Variants in ZDHHC11B observed in about 807,000 individuals in gnomAD.
The protein encoded by ZDHHC11B is probable palmitoyltransferase ZDHHC11B.
Under a neutral mutation model 42.3 loss-of-function variants are expected in ZDHHC11B, and 17 were observed. The ratio of observed to expected loss-of-function variants is 0.40; its 90% CI spans 0.27 to 0.60. The LOEUF is 0.60. Among genes scored for constraint, ZDHHC11B ranks in the 20% least tolerant of loss-of-function variants. ZDHHC11B has a pLI of 0.41. For missense variants in ZDHHC11B, 262 were observed against 463.2 expected, an observed-to-expected ratio of 0.57 and a Z score of 3.99; for synonymous variants, 123 against 193.5, an observed-to-expected ratio of 0.64 and a Z score of 3.02.
rs1424974440 is a variant in ZDHHC11B at position 760,495 on chromosome 5, CCCCGGGCCCCAGAA to C, written c.223-4365_223-4352del. The stretch of plus-strand genomic sequence containing the variant: ...TGTGCAGCCAGCACCCGATTCCAGA[CCCCGGGCCCCAGAA>C]CTGTGAGACCAGATATGTCTGCTGT... On this transcript the variant is annotated intron_variant, in intron 4 of 13. Coordinates refer to ENST00000508859, the MANE Select transcript of ZDHHC11B (RefSeq NM_001351303.2). 9.9e-5 allele frequency among the ~76,000 whole-genome samples: 15 copies of C among 151,748 alleles called. 1 individual carries two copies. The highest frequency in any genetic ancestry group is 3.4e-4 in the African/African-American group (14 of 41,360).
At chr5:719,064 T>A (rs1443646769) in intron 12 of ZDHHC11B, among the ~76,000 whole-genome samples, 1 of 151,826 alleles carries the variant, frequency 6.6e-6, no homozygotes, top group Non-Finnish European at 1.5e-5. Context: ...GATAGTTCAC[T>A]AACTGGTCAT....
At chr5:746,149 T>C (rs1402908733) in intron 8 of ZDHHC11B, among the ~76,000 whole-genome samples, 1 of 148,120 alleles carries the variant, frequency 6.8e-6, no homozygotes, top group Non-Finnish European at 1.5e-5. Context: ...AGCCACGAGC[T>C]TCCATGGAGG....
chr5:730,018 A>G (rs1255530830), intron 12 of ZDHHC11B, among the ~76,000 whole-genome samples: 2 of 151,232 alleles, frequency 1.3e-5, no homozygotes, highest in African/African-American at 2.4e-5. Flanking sequence ...TGGAGGGTGA[A>G]AAAGTGGTGT....
At chr5:762,680 A>G (rs1218628907) in intron 4 of ZDHHC11B, among the ~76,000 whole-genome samples, 2 of 151,826 alleles carry the variant, frequency 1.3e-5, no homozygotes, top group Non-Finnish European at 2.9e-5. Flanking sequence ...CAGAAAATAC[A>G]TAGCTTTAAA....
At chr5:731,469 A>T (rs421718) in intron 11 of ZDHHC11B, among the ~76,000 whole-genome samples, 1 of 148,336 alleles carries the variant, frequency 6.7e-6, no homozygotes, top group Non-Finnish European at 1.5e-5. Flanking sequence ...CCCTGGTGGC[A>T]AATGATGTTG....
At chr5:777,665 G>C (rs960118609) in intron 1 of ZDHHC11B, among the ~76,000 whole-genome samples, 1 of 151,926 alleles carries the variant, frequency 6.6e-6, no homozygotes, top group Non-Finnish European at 1.5e-5. Flanking sequence ...GCGTTGATTG[G>C]TCCATTTTGA....
chr5:765,710 G>A (rs1289547453), intron 4 of ZDHHC11B, among the ~76,000 whole-genome samples: 19 of 151,860 alleles, frequency 1.3e-4, no homozygotes, highest in Non-Finnish European at 2.2e-4. Context: ...TCTAACACTC[G>A]CAGTGAAGGT....
rs543034910 is a variant in ZDHHC11B, at chr5:743,388, C to T, written c.901-1760G>A. On this transcript the variant is annotated intron_variant, in intron 9 of 13. Transcript: ENST00000508859. ...CAAAATCATTTGGCTAGTACAGTAG[C>T]CTAGGTCTTTTGAATTTGCATATAC... Among the ~76,000 whole-genome samples, 191 of 148,406 alleles carry T rather than the reference C, an allele frequency of 1.3e-3. 9 individuals carry two copies. Among genetic ancestry groups the T allele is most frequent in the African/African-American group, 4.6e-3 (186 of 40,554 alleles).
intron 1 of ZDHHC11B, among the ~76,000 whole-genome samples, chr5:776,366 C>A (rs1409225214): frequency 6.6e-6 from 1 of 151,876 alleles, no homozygotes; most frequent in Non-Finnish European, 1.5e-5. Flanking sequence ...GGACCCAGGT[C>A]GCTGACTGAG....
At position 759,235 on chromosome 5, in the gene ZDHHC11B, C is replaced by A. The variant is rs569252389; in HGVS notation, c.223-3091G>T. ...TGTATTTTGTAAATAAACGGCGCCG[C>A]AGCGCCAGCCCAGAACACACACCCT... On this transcript the variant is annotated intron_variant, in intron 4 of 13. Coordinates refer to ENST00000508859, the MANE Select transcript of ZDHHC11B (RefSeq NM_001351303.2). Among the ~76,000 whole-genome samples the A allele has an allele frequency of 1.1e-4, 17 of 151,974 alleles. No homozygotes were observed. The East Asian group carries it at 3.1e-3, about 28-fold the overall frequency.
intron 1 of ZDHHC11B, among the ~76,000 whole-genome samples, chr5:773,754 G>A (rs550616098): frequency 1.3e-5 from 2 of 151,928 alleles, no homozygotes; most frequent in East Asian, 3.9e-4. Flanking sequence ...ACTGCTTGGA[G>A]GCTGAGCCCA....
At chr5:762,328 G>T (rs1734734745) in intron 4 of ZDHHC11B, among the ~76,000 whole-genome samples, 1 of 152,008 alleles carries the variant, frequency 6.6e-6, no homozygotes, top group Middle Eastern at 3.4e-3. Flanking sequence ...CTACAAACAA[G>T]ACGCAGGTTG....
At chr5:759,029 GCTT>G (rs1363609087) in intron 4 of ZDHHC11B, among the ~76,000 whole-genome samples, 3 of 151,900 alleles carry the variant, frequency 2.0e-5, no homozygotes, top group Admixed American at 6.6e-5. Context: ...AATTTTCTCT[GCTT>G]CTACTTTCAC....
intron 12 of ZDHHC11B, among the ~76,000 whole-genome samples, chr5:725,112 G>A (rs1012540379): frequency 3.3e-5 from 5 of 151,404 alleles, no homozygotes; most frequent in Admixed American, 6.6e-5. Context: ...TGTGGGACCC[G>A]GATGACAGGA....
chr5:720,711 T>G (rs1742118494), intron 12 of ZDHHC11B, among the ~76,000 whole-genome samples: 1 of 151,748 alleles, frequency 6.6e-6, no homozygotes, highest in African/African-American at 2.4e-5. Context: ...ACAATAATTA[T>G]AAATATTGTT....
At chr5:755,759 CGGA>C (rs1470589399) in intron 5 of ZDHHC11B, among the ~76,000 whole-genome samples, 1 of 81,246 alleles carries the variant, frequency 1.2e-5, no homozygotes, top group Non-Finnish European at 2.7e-5. Flanking sequence ...GCCCTGCCTG[CGGA>C]GGAGTTGGGG....
intron 1 of ZDHHC11B, among the ~76,000 whole-genome samples, chr5:771,352 C>A (rs1736018830): frequency 6.6e-6 from 1 of 151,864 alleles, no homozygotes; most frequent in Non-Finnish European, 1.5e-5. Context: ...CCTCAGGCCC[C>A]ACCCACTCAC....
chr5:752,181 G>A (rs1313956067), intron 6 of ZDHHC11B, among the ~76,000 whole-genome samples: 10 of 98,380 alleles, frequency 1.0e-4, no homozygotes, highest in African/African-American at 3.1e-4. Flanking sequence ...TGAGAGTGCC[G>A]TGGCACCCAG....
chr5:770,678 G>A (rs1454451463), intron 1 of ZDHHC11B, among the ~76,000 whole-genome samples: 5 of 152,040 alleles, frequency 3.3e-5, no homozygotes, highest in Non-Finnish European at 7.4e-5. Flanking sequence ...GCTTTAGGCT[G>A]GGGAGGGTGT....
Sources: allele counts gnomAD v4.1 joint callset (sites outside exome capture counted in the v4.1 genomes callset), GRCh38; gene constraint gnomAD v4.1.1; transcripts MANE v1.5; gene names NCBI Gene and HGNC (gene_info 2026-07-23, HGNC 2026-07-21).